The following C11orf54 variants were observed in gnomAD, a reference collection of about 807,000 sequenced individuals.
C11orf54 encodes beta-keto L-gulonate decarboxylase.
C11orf54 carries 29 observed loss-of-function variants against 35.5 expected under a neutral mutation model. The observed-to-expected ratio is 0.82, with a 90% CI of 0.61 to 1.11. The LOEUF (loss-of-function observed/expected upper bound fraction) is 1.11. Ranked by LOEUF, C11orf54 falls within the 50% of genes most tolerant of loss-of-function variation. The probability of loss-of-function intolerance (pLI) is 0.00; values close to 1 mark genes in which losing one functional copy is unlikely to be tolerated. For synonymous variants in C11orf54, 108 were observed against 121.1 expected (o/e 0.89, Z 0.71); for missense variants, 373 against 369.2 (o/e 1.01, Z -0.08).
intron 3 of C11orf54, among the ~76,000 whole-genome samples, chr11:93,751,687 A>G (rs1342396770): frequency 2.0e-5 from 3 of 151,986 alleles, no homozygotes; most frequent in African/African-American, 7.2e-5. Flanking sequence ...TACAGGCGTG[A>G]GCCACCACGC....
chr11:93,750,556 C>T (rs1252806852), intron 3 of C11orf54, 112 bp downstream of exon 3: 7 of 834,728 alleles, frequency 8.4e-6, no homozygotes, highest in Non-Finnish European at 1.3e-5. Flanking sequence ...ATTGTCACAA[C>T]ATTTAGGCTA....
At chr11:93,758,062 C>T (rs535631733) in intron 7 of C11orf54, among the ~76,000 whole-genome samples, 2 of 152,302 alleles carry the variant, frequency 1.3e-5, no homozygotes, top group South Asian at 4.1e-4. Flanking sequence ...GTAATCCCAG[C>T]ACTTTGGGAG....
At chr11:93,749,504 C>CAAAAAAAA (rs10624807) in intron 2 of C11orf54, among the ~76,000 whole-genome samples, 1 of 71,738 alleles carries the variant, frequency 1.4e-5, no homozygotes. Flanking sequence ...GACTCTGTCT[C>CAAAAAAAA]AAAAAAAAAA....
intron 6 of C11orf54, among the ~76,000 whole-genome samples, 171 bp from the exon 7 acceptor site, chr11:93,757,145 C>T (rs1489972289): frequency 6.6e-6 from 1 of 151,288 alleles, no homozygotes; most frequent in East Asian, 2.2e-4. Context: ...TGTGTGCATA[C>T]ATATATATAT....
intron 6 of C11orf54, among the ~76,000 whole-genome samples, chr11:93,755,891 C>T (rs770228656): frequency 2.3e-4 from 35 of 151,608 alleles, no homozygotes; most frequent in Non-Finnish European, 4.6e-4. Flanking sequence ...GGAGGCCAGA[C>T]GCGGTGGCTC....
chr11:93,750,413 G>A lies in C11orf54; in HGVS notation c.123G>A (p.Leu41=). 1 of 1,613,708 alleles carries A rather than the reference G, an allele frequency of 6.2e-7. No homozygotes were observed. Among genetic ancestry groups the A allele is most frequent in the Non-Finnish European group, 8.5e-7 (1 of 1,179,818 alleles). Reference sequence around the variant, plus strand: ...TCTCTGTAGTTGATTGCCCTGATTTGACTAAGGAACCCTTTACCTTTCCTG... The same window carrying A: ...TCTCTGTAGTTGATTGCCCTGATTTAACTAAGGAACCCTTTACCTTTCCTG... ...VQVSVVDCPD[L]TKEPFTFPVK... The change falls in exon 3 of 9, where the codon TTG becomes TTA. Residue 41 remains leucine, a synonymous_variant. Coordinates refer to ENST00000354421, the MANE Select transcript of C11orf54 (RefSeq NM_001286069.2).
chr11:93,753,763 C>T lies in C11orf54; in HGVS notation c.228+8C>T, dbSNP rs527757383. 128 of 1,612,350 alleles carry T rather than the reference C, an allele frequency of 7.9e-5. No individual in the cohort carries two copies. In the South Asian group the frequency reaches 1.3e-3, roughly 17 times the overall value. ...CTTGTAAACCAAAAAAAAGTAAGTACTTTTACTCTGCATATTCACATGAAG... is the reference window on the plus strand; with the variant it reads ...CTTGTAAACCAAAAAAAAGTAAGTATTTTTACTCTGCATATTCACATGAAG... On this transcript the variant is annotated splice_region_variant and intron_variant, in intron 4 of 8. Coordinates refer to ENST00000354421, the MANE Select transcript of C11orf54 (RefSeq NM_001286069.2).
intron 2 of C11orf54, among the ~76,000 whole-genome samples, chr11:93,749,101 G>A (rs939473553): frequency 1.2e-4 from 18 of 145,094 alleles, no homozygotes; most frequent in Non-Finnish European, 1.6e-4. Context: ...CCGAGATTGC[G>A]CCATTGTACT....
intron 6 of C11orf54, 59 bp from the exon 7 acceptor site, chr11:93,757,257 T>C: frequency 6.6e-7 from 1 of 1,519,714 alleles, no homozygotes; most frequent in South Asian, 1.2e-5. Flanking sequence ...ATATAATGTT[T>C]TATTTCAGTA....
Position 93,763,164 on chromosome 11 carries a change from T to G in C11orf54, c.*1476T>G, listed in dbSNP as rs946781521. On this transcript the variant is annotated 3_prime_UTR_variant, in exon 9 of 9. Transcript: ENST00000354421. Reference sequence around the variant, plus strand: ...ACAAATATGTATTGAACACCTACCCTTCTCTCTGGAGTGTACACTTCATGT... The same window carrying G: ...ACAAATATGTATTGAACACCTACCCGTCTCTCTGGAGTGTACACTTCATGT... 1.3e-5 allele frequency: 2 copies of G among 152,328 alleles called. No homozygotes were observed. 9.4% of individuals were successfully genotyped at this position (152,328 alleles called of 1,614,324 possible).
intron 6 of C11orf54, among the ~76,000 whole-genome samples, chr11:93,755,982 C>T (rs907607624): frequency 1.3e-5 from 2 of 151,878 alleles, no homozygotes; most frequent in Non-Finnish European, 2.9e-5. Flanking sequence ...GTCTGGCCAA[C>T]ATAGCGAAAC....
At chr11:93,744,688 A>C (rs901113685) in intron 1 of C11orf54, among the ~76,000 whole-genome samples, 36 of 152,384 alleles carry the variant, frequency 2.4e-4, no homozygotes, top group Non-Finnish European at 2.5e-4. Context: ...AAATTATTCA[A>C]CCCAAAACTG....
chr11:93,748,845 A>G (rs987665989), intron 2 of C11orf54, among the ~76,000 whole-genome samples: 1 of 151,630 alleles, frequency 6.6e-6, no homozygotes, highest in African/African-American at 2.4e-5. Flanking sequence ...CAAAAAAAAA[A>G]AAAAGAAAGA....
At chr11:93,747,883 T>A (rs1942570590) in intron 2 of C11orf54, among the ~76,000 whole-genome samples, 1 of 152,162 alleles carries the variant, frequency 6.6e-6, no homozygotes, top group Non-Finnish European at 1.5e-5. Flanking sequence ...CCACTGATAA[T>A]GACAGACTGC....
At chr11:93,752,804 A>C (rs1258813142) in intron 3 of C11orf54, among the ~76,000 whole-genome samples, 1 of 134,136 alleles carries the variant, frequency 7.5e-6, no homozygotes, top group African/African-American at 2.9e-5. Context: ...GCTGGAGTGC[A>C]GTGGCGCGAT....
chr11:93,755,396 T>C lies in C11orf54; in HGVS notation c.507+10T>C, dbSNP rs1943080439. 1 of 1,610,652 alleles carries C rather than the reference T, an allele frequency of 6.2e-7. No homozygotes were observed. The highest frequency in any genetic ancestry group is 8.5e-7 in the Non-Finnish European group (1 of 1,177,396). Reference sequence around the variant, plus strand: ...AGGCCAACCTGGCAAGGTGATTGTGTCCATAAAAATACAATATTCCCTAAA... The same window carrying C: ...AGGCCAACCTGGCAAGGTGATTGTGCCCATAAAAATACAATATTCCCTAAA... On this transcript the variant is annotated intron_variant, in intron 6 of 8. Transcript: ENST00000354421.
chr11:93,756,929 C>T (rs537147048), intron 6 of C11orf54, among the ~76,000 whole-genome samples: 305 of 152,162 alleles, frequency 2.0e-3, no homozygotes, highest in Middle Eastern at 0.01. Flanking sequence ...TAATCATTTT[C>T]TCCTCATCCC....
intron 3 of C11orf54, 57 bp downstream of exon 3, chr11:93,750,501 A>T: frequency 1.5e-6 from 2 of 1,305,942 alleles, no homozygotes; most frequent in South Asian, 2.5e-5. Context: ...TTCTGAAACT[A>T]GAATTATTTT....
In C11orf54 at chr11:93,763,241, A is replaced by G. The variant is rs1412164007; in HGVS notation, c.*1553A>G. On this transcript the variant is annotated 3_prime_UTR_variant, in exon 9 of 9. Coordinates refer to ENST00000354421, the MANE Select transcript of C11orf54 (RefSeq NM_001286069.2). ...GCACTAGTGCCTTTAACTGCTAGCAAAGTAGCCACTCGGATGATTATACCA... is the reference window on the plus strand; with the variant it reads ...GCACTAGTGCCTTTAACTGCTAGCAGAGTAGCCACTCGGATGATTATACCA... The G allele has an allele frequency of 6.6e-6, 1 of 152,212 alleles. No homozygotes were observed. The highest frequency in any genetic ancestry group is 1.5e-5 in the Non-Finnish European group (1 of 68,048). 9.4% of individuals were successfully genotyped at this position (152,212 alleles called of 1,614,324 possible). A position where few individuals can be genotyped will look rare whatever the true frequency, so the allele number is the denominator to read the frequency against.
Sources: allele counts gnomAD v4.1 joint callset (sites outside exome capture counted in the v4.1 genomes callset), GRCh38; gene constraint gnomAD v4.1.1; transcripts MANE v1.5; gene names NCBI Gene and HGNC (gene_info 2026-07-23, HGNC 2026-07-21).